Variants in CDK8 observed in about 807,000 individuals in gnomAD.
CDK8 encodes cyclin-dependent kinase 8.
CDK8 carries 29 observed loss-of-function variants against 71.5 expected under a neutral mutation model. The ratio of observed to expected loss-of-function variants is 0.41; its 90% CI spans 0.30 to 0.55. The LOEUF is 0.55. Among genes scored for constraint, CDK8 ranks in the 20% least tolerant of loss-of-function variants. The probability of loss-of-function intolerance (pLI) is 0.37; values close to 1 mark genes in which losing one functional copy is unlikely to be tolerated. For synonymous variants in CDK8, 161 were observed against 192.1 expected (o/e 0.84, Z 1.34); for missense variants, 288 against 572.6 (o/e 0.50, Z 5.07).
chr13:26,287,079 G>T (rs761119632), intron 1 of CDK8, among the ~76,000 whole-genome samples: 1 of 152,172 alleles, frequency 6.6e-6, no homozygotes, highest in Non-Finnish European at 1.5e-5. Context: ...ATGGAAAACA[G>T]TATGGAGATT....
intron 4 of CDK8, 71 bp from the exon 5 acceptor site, chr13:26,382,743 T>A: frequency 1.2e-6 from 1 of 852,372 alleles, no homozygotes; most frequent in Non-Finnish European, 1.9e-6. Context: ...ATTTGTGTTA[T>A]ATTGGCATAT....
At chr13:26,264,741 T>A (rs534903461) in intron 1 of CDK8, among the ~76,000 whole-genome samples, 52 of 152,284 alleles carry the variant, frequency 3.4e-4, no homozygotes, top group African/African-American at 1.2e-3. Flanking sequence ...CCACTCACCC[T>A]TCCTAGTCCC....
chr13:26,309,853 C>G (rs1436280256), intron 1 of CDK8, among the ~76,000 whole-genome samples: 1 of 152,146 alleles, frequency 6.6e-6, no homozygotes, highest in Non-Finnish European at 1.5e-5. Context: ...GTGGTGTGAT[C>G]TTGGCTCACT....
intron 1 of CDK8, among the ~76,000 whole-genome samples, chr13:26,302,462 C>T (rs1399548103): frequency 2.6e-5 from 4 of 152,130 alleles, no homozygotes; most frequent in Non-Finnish European, 5.9e-5. Context: ...AGGGTCTTTT[C>T]ATGGGACAGA....
In CDK8 at chr13:26,279,828, A is replaced by G. The variant is rs146871830; in HGVS notation, c.128+25059A>G. 4.5e-3 allele frequency among the ~76,000 whole-genome samples: 678 copies of G among 152,340 alleles called. 5 individuals carry two copies. The highest frequency in any genetic ancestry group is 0.015 in the African/African-American group (640 of 41,578). ...GTGTTATATAAATGATATTTTGATT[A>G]TATAGGAAAATGTCCTTATTCTCAG... On this transcript the variant is annotated intron_variant, in intron 1 of 12. Transcript: ENST00000381527.
In CDK8 at chr13:26,403,879, GACACTTCA is replaced by G. The variant is rs1274315297; in HGVS notation, c.1270-76_1270-69del. 212 of 1,535,800 alleles carry G rather than the reference GACACTTCA, an allele frequency of 1.4e-4. No homozygotes were observed. The African/African-American group carries it at 2.4e-3, about 17-fold the overall frequency. Reference sequence around the variant, plus strand: ...CATCCTTTCTTCCTTGAAACATAATGACACTTCAGTCACATATTGGGATTGAGCTTCCC... The same window carrying G: ...CATCCTTTCTTCCTTGAAACATAATGGTCACATATTGGGATTGAGCTTCCC... On this transcript the variant is annotated intron_variant, in intron 12 of 12. Coordinates refer to ENST00000381527, the MANE Select transcript of CDK8 (RefSeq NM_001260.3).
At chr13:26,272,899 G>C (rs1318379882) in intron 1 of CDK8, among the ~76,000 whole-genome samples, 1 of 152,144 alleles carries the variant, frequency 6.6e-6, no homozygotes, top group Non-Finnish European at 1.5e-5. Flanking sequence ...ATCATTACAT[G>C]GTGCATGACT....
chr13:26,320,735 AAAG>A (rs1312120472), intron 1 of CDK8, among the ~76,000 whole-genome samples: 1 of 152,226 alleles, frequency 6.6e-6, no homozygotes, highest in African/African-American at 2.4e-5. Context: ...ACATTCCTCC[AAAG>A]AAGATATACA....
At chr13:26,359,510 G>A (rs7999042) in intron 4 of CDK8, 3,509 of 167,354 alleles carry the variant, frequency 0.021, 139 homozygotes, top group African/African-American at 0.08. Context: ...CATCAAAGTT[G>A]TATTGATACT....
At chr13:26,380,537 G>T (rs1369576458) in intron 4 of CDK8, among the ~76,000 whole-genome samples, 2 of 151,954 alleles carry the variant, frequency 1.3e-5, no homozygotes, top group Non-Finnish European at 2.9e-5. Flanking sequence ...AGGCTGGAGT[G>T]CAGTGGCATG....
At chr13:26,376,375 T>C (rs1176599952) in intron 4 of CDK8, among the ~76,000 whole-genome samples, 3 of 152,226 alleles carry the variant, frequency 2.0e-5, no homozygotes, top group Non-Finnish European at 4.4e-5. Flanking sequence ...CTCTTCTTTC[T>C]TACTTGACTC....
chr13:26,276,430 T>C (rs374011109), intron 1 of CDK8, among the ~76,000 whole-genome samples: 23 of 152,218 alleles, frequency 1.5e-4, no homozygotes, highest in Admixed American at 1.2e-3. Context: ...ATTCAGTCTC[T>C]CTGAGCACTT....
chr13:26,264,871 C>T (rs977865802), intron 1 of CDK8, among the ~76,000 whole-genome samples: 6 of 152,148 alleles, frequency 3.9e-5, no homozygotes, highest in Non-Finnish European at 5.9e-5. Context: ...ACATAAGGAT[C>T]TCAAGTTCCA....
chr13:26,307,962 T>C (rs1200472068), intron 1 of CDK8, among the ~76,000 whole-genome samples: 1 of 152,244 alleles, frequency 6.6e-6, no homozygotes, highest in African/African-American at 2.4e-5. Context: ...TGTAAGCTTA[T>C]TTTCCTTTTG....
chr13:26,329,751 A>G (rs2137961205), intron 1 of CDK8, among the ~76,000 whole-genome samples: 1 of 151,798 alleles, frequency 6.6e-6, no homozygotes, highest in East Asian at 1.9e-4. Context: ...TGATCCGCCC[A>G]CCTCGGCCTC....
chr13:26,285,634 C>G (rs1488489987), intron 1 of CDK8, among the ~76,000 whole-genome samples: 1 of 152,062 alleles, frequency 6.6e-6, no homozygotes, highest in African/African-American at 2.4e-5. Flanking sequence ...ACTAGAAGTC[C>G]CAGCCAGAGC....
intron 4 of CDK8, among the ~76,000 whole-genome samples, chr13:26,359,996 A>G (rs1030197586): frequency 6.6e-5 from 10 of 152,166 alleles, no homozygotes; most frequent in Admixed American, 5.9e-4. Flanking sequence ...GATTACAGAC[A>G]TAAGCCATTG....
At chr13:26,372,989 A>T (rs1366365833) in intron 4 of CDK8, among the ~76,000 whole-genome samples, 1 of 152,112 alleles carries the variant, frequency 6.6e-6, no homozygotes, top group Non-Finnish European at 1.5e-5. Context: ...CATACCCACA[A>T]ATGCCTTCTT....
chr13:26,309,822 C>G (rs1874206649), intron 1 of CDK8, among the ~76,000 whole-genome samples: 1 of 152,296 alleles, frequency 6.6e-6, no homozygotes, highest in Non-Finnish European at 1.5e-5. Context: ...GAGTCTCGCT[C>G]TGTCGCCCAG....
Sources: gnomAD v4.1 joint callset for allele counts (sites outside exome capture counted in the v4.1 genomes callset) on GRCh38, gnomAD v4.1.1 for gene constraint, MANE v1.5 for transcripts, NCBI Gene and HGNC (gene_info 2026-07-23, HGNC 2026-07-21) for gene names.